Variants in NCKAP5 observed in about 807,000 individuals in gnomAD.
The protein encoded by NCKAP5 is nck-associated protein 5.
A neutral mutation model predicts 167.0 loss-of-function variants in NCKAP5; 92 were observed. That is an observed-to-expected ratio of 0.55 (90% CI 0.47 to 0.66). The LOEUF (loss-of-function observed/expected upper bound fraction) is 0.66. Ranked by LOEUF, NCKAP5 falls within the 30% of genes least tolerant of loss-of-function variation. The probability of loss-of-function intolerance (pLI) is 0.00; values close to 1 mark genes in which losing one functional copy is unlikely to be tolerated. For synonymous variants in NCKAP5, 891 were observed against 877.4 expected (o/e 1.02, Z -0.27); for missense variants, 2,378 against 2,315.0 (o/e 1.03, Z -0.56).
At chr2:133,234,234 G>T (rs1279637561) in intron 4 of NCKAP5, among the ~76,000 whole-genome samples, 1 of 152,160 alleles carries the variant, frequency 6.6e-6, no homozygotes, top group South Asian at 2.1e-4. Flanking sequence ...TTTCTGAAAG[G>T]TCTGATGGCC....
At chr2:133,392,464 T>C (rs1196461206) in intron 3 of NCKAP5, among the ~76,000 whole-genome samples, 4 of 152,226 alleles carry the variant, frequency 2.6e-5, no homozygotes, top group African/African-American at 9.6e-5. Context: ...CATATGACTG[T>C]AGTATACGAC....
chr2:133,002,572 T>C (rs1043927258), intron 6 of NCKAP5, among the ~76,000 whole-genome samples: 6 of 152,182 alleles, frequency 3.9e-5, no homozygotes, highest in Non-Finnish European at 2.9e-5. Context: ...TGTTGAAGCA[T>C]TTAAGACCAG....
chr2:133,150,771 C>T (rs2083359666), intron 5 of NCKAP5, among the ~76,000 whole-genome samples: 1 of 152,084 alleles, frequency 6.6e-6, no homozygotes, highest in Non-Finnish European at 1.5e-5. Context: ...CATATATGTA[C>T]ATCTGCTCAC....
intron 6 of NCKAP5, among the ~76,000 whole-genome samples, chr2:133,043,805 A>G (rs982954764): frequency 5.3e-5 from 8 of 151,494 alleles, no homozygotes; most frequent in African/African-American, 1.9e-4. Flanking sequence ...TTATTCTCTT[A>G]TTGAACTCCC....
Position 133,003,946 on chromosome 2 carries a change from G to A in NCKAP5, c.342-9707C>T, listed in dbSNP as rs149161541. Among the ~76,000 whole-genome samples, 786 of 152,310 alleles carry A rather than the reference G, an allele frequency of 5.2e-3. 4 individuals carry two copies. The highest frequency in any genetic ancestry group is 0.017 in the African/African-American group (720 of 41,564). ...TAACTGCACGGAGAGAGGCCGATTG[G>A]GAGAGGGCAGGGAAGCAGAGATGGG... On this transcript the variant is annotated intron_variant, in intron 6 of 19. Transcript: ENST00000409261.
chr2:133,608,875 T>C, the NCKAP5 span, among the ~76,000 whole-genome samples: 10 of 152,206 alleles, frequency 6.6e-5, no homozygotes, highest in Non-Finnish European at 1.3e-4. Flanking sequence ...CTTCACCATA[T>C]ATGCTTCTCC....
chr2:132,920,730 T>G, intron 8 of NCKAP5, among the ~76,000 whole-genome samples: 1 of 110,384 alleles, frequency 9.1e-6, no homozygotes, highest in Admixed American at 1.2e-4. Context: ...TATATATATA[T>G]ATGTATATAT....
At chr2:132,831,762 T>G (rs2105369194) in intron 11 of NCKAP5, among the ~76,000 whole-genome samples, 1 of 152,226 alleles carries the variant, frequency 6.6e-6, no homozygotes. Context: ...ATTTTTTTCC[T>G]TTGTAGCTTC....
At chr2:133,228,907 T>C (rs926832023) in intron 4 of NCKAP5, among the ~76,000 whole-genome samples, 7 of 152,198 alleles carry the variant, frequency 4.6e-5, no homozygotes, top group African/African-American at 1.4e-4. Flanking sequence ...GTACCTGATT[T>C]GACAAGTAGC....
At chr2:133,344,384 G>A (rs1397382663) in intron 3 of NCKAP5, among the ~76,000 whole-genome samples, 1 of 150,842 alleles carries the variant, frequency 6.6e-6, no homozygotes, top group Non-Finnish European at 1.5e-5. Context: ...CTCCAGCCTG[G>A]GCGACAAAGT....
chr2:133,171,579 T>C (rs933098027), intron 5 of NCKAP5, among the ~76,000 whole-genome samples: 2 of 152,144 alleles, frequency 1.3e-5, no homozygotes, highest in Non-Finnish European at 2.9e-5. Flanking sequence ...ATGGATGCTG[T>C]TTTAAATGAA....
chr2:132,899,119 T>C (rs1693426525), intron 8 of NCKAP5, among the ~76,000 whole-genome samples: 1 of 152,220 alleles, frequency 6.6e-6, no homozygotes, highest in South Asian at 2.1e-4. Context: ...TTATTTGAAC[T>C]AGATCTTCTA....
intron 4 of NCKAP5, chr2:133,268,803 A>T (rs1028531602): frequency 2.0e-5 from 3 of 152,214 alleles, no homozygotes; most frequent in Non-Finnish European, 4.4e-5. Flanking sequence ...ATTTAAGTTT[A>T]GAGTTTTTCA....
chr2:132,801,965 A>G lies in NCKAP5; in HGVS notation c.808-5236T>C, dbSNP rs577973482. Among the ~76,000 whole-genome samples, 4 of 152,218 alleles carry G rather than the reference A, an allele frequency of 2.6e-5. No homozygotes were observed. In the South Asian group the frequency reaches 8.3e-4, roughly 32 times the overall value. ...TTGAGCCTTTGGCTATTTAGTAGAG[A>G]CGGGGTTTCACCATGTTGGCCAGGC... On this transcript the variant is annotated intron_variant, in intron 11 of 19. Coordinates refer to ENST00000409261, the MANE Select transcript of NCKAP5 (RefSeq NM_207363.3).
intron 6 of NCKAP5, among the ~76,000 whole-genome samples, chr2:133,109,090 A>AGCCCT (rs2081820548): frequency 6.6e-6 from 1 of 152,230 alleles, no homozygotes; most frequent in Non-Finnish European, 1.5e-5. Context: ...AATTCCACCA[A>AGCCCT]GCCCTTCTTA....
intron 4 of NCKAP5, among the ~76,000 whole-genome samples, chr2:133,222,587 A>G (rs2086702892): frequency 6.6e-6 from 1 of 152,206 alleles, no homozygotes; most frequent in East Asian, 1.9e-4. Flanking sequence ...ATTCTTAAAA[A>G]ATAACATCTT....
rs768043614 is a variant in NCKAP5 at position 133,388,740 on chromosome 2, C to T, written c.70-85630G>A. 3.9e-4 allele frequency among the ~76,000 whole-genome samples: 60 copies of T among 152,314 alleles called. 1 individual carries two copies. Among genetic ancestry groups the T allele is most frequent in the Admixed American group, 2.9e-3 (44 of 15,302 alleles). ...CTACTCAAGTCTCAGCAATGGTGGG[C>T]GCCCCTCCCCCAGCCTCGCTGCCAC... On this transcript the variant is annotated intron_variant, in intron 3 of 19. Transcript: ENST00000409261.
chr2:133,304,016 C>T (rs79569930), intron 3 of NCKAP5, among the ~76,000 whole-genome samples: 3,338 of 152,106 alleles, frequency 0.022, 128 homozygotes, highest in African/African-American at 0.075. Context: ...TTATAGCAGC[C>T]GTCGATGGAA....
chr2:133,139,802 C>G (rs1195243031), intron 5 of NCKAP5, among the ~76,000 whole-genome samples: 1 of 152,088 alleles, frequency 6.6e-6, no homozygotes, highest in Non-Finnish European at 1.5e-5. Context: ...TTTATGACTT[C>G]TATAAGCTTC....
Sources: gnomAD v4.1 joint callset for allele counts (sites outside exome capture counted in the v4.1 genomes callset) on GRCh38, gnomAD v4.1.1 for gene constraint, MANE v1.5 for transcripts, NCBI Gene and HGNC (gene_info 2026-07-23, HGNC 2026-07-21) for gene names.